Variants in MGAT4C observed in about 807,000 individuals in gnomAD.
MGAT4C encodes the protein alpha-1,3-mannosyl-glycoprotein 4-beta-N-acetylglucosaminyltransferase C.
Under a neutral mutation model 40.1 loss-of-function variants are expected in MGAT4C, and 19 were observed. The ratio of observed to expected loss-of-function variants is 0.47; its 90% CI spans 0.33 to 0.70. The LOEUF (loss-of-function observed/expected upper bound fraction) is 0.70. Ranked by LOEUF, MGAT4C falls within the 30% of genes least tolerant of loss-of-function variation. The pLI, the probability that MGAT4C is intolerant of heterozygous loss-of-function variation, is 0.02. For missense variants in MGAT4C, 491 were observed against 563.2 expected, an observed-to-expected ratio of 0.87 and a Z score of 1.30; for synonymous variants, 181 against 187.1, an observed-to-expected ratio of 0.97 and a Z score of 0.27.
At chr12:86,778,061 C>A (rs1951774331) in intron 1 of MGAT4C, among the ~76,000 whole-genome samples, 1 of 152,092 alleles carries the variant, frequency 6.6e-6, no homozygotes, top group African/African-American at 2.4e-5. Flanking sequence ...TCATATCTCA[C>A]CTCCATAGCT....
chr12:86,555,334 A>G (rs1451106135), intron 2 of MGAT4C, among the ~76,000 whole-genome samples: 1 of 152,192 alleles, frequency 6.6e-6, no homozygotes. Flanking sequence ...TGTTTCAATC[A>G]ATTAGAATTA....
intron 2 of MGAT4C, among the ~76,000 whole-genome samples, chr12:86,672,525 C>A (rs749000047): frequency 9.2e-5 from 14 of 151,778 alleles, no homozygotes; most frequent in Non-Finnish European, 1.6e-4. Flanking sequence ...ATTGACAAAC[C>A]TTTACCCATT....
intron 1 of MGAT4C, among the ~76,000 whole-genome samples, chr12:86,806,936 C>G (rs1223862366): frequency 6.6e-6 from 1 of 151,814 alleles, no homozygotes; most frequent in Non-Finnish European, 1.5e-5. Flanking sequence ...AGCATACCAA[C>G]ATGGCACACG....
intron 2 of MGAT4C, among the ~76,000 whole-genome samples, chr12:86,613,575 G>A (rs1962353998): frequency 6.6e-6 from 1 of 152,032 alleles, no homozygotes; most frequent in Non-Finnish European, 1.5e-5. Context: ...CTGTCAAAAA[G>A]CATAATCTTG....
intron 1 of MGAT4C, among the ~76,000 whole-genome samples, chr12:86,224,141 T>C (rs1281177291): frequency 6.6e-6 from 1 of 152,182 alleles, no homozygotes; most frequent in African/African-American, 2.4e-5. Context: ...ATCCCACCTC[T>C]GCCACCAGGG....
chr12:86,337,202 G>T (rs1954807992), intron 3 of MGAT4C, among the ~76,000 whole-genome samples: 1 of 152,062 alleles, frequency 6.6e-6, no homozygotes, highest in Non-Finnish European at 1.5e-5. Flanking sequence ...TAGGTCCTGG[G>T]AGTTACAAAG....
chr12:86,603,490 A>G (rs1961881141), intron 2 of MGAT4C, among the ~76,000 whole-genome samples: 1 of 97,706 alleles, frequency 1.0e-5, no homozygotes, highest in Non-Finnish European at 1.8e-5. Flanking sequence ...TATAGACTAT[A>G]TAATATATAC....
chr12:86,354,353 T>C (rs1393918236), intron 3 of MGAT4C, among the ~76,000 whole-genome samples: 1 of 152,142 alleles, frequency 6.6e-6, no homozygotes, highest in Non-Finnish European at 1.5e-5. Context: ...TCTATCAATC[T>C]ATATATAGAA....
At chr12:86,672,533 A>G (rs921659243) in intron 2 of MGAT4C, among the ~76,000 whole-genome samples, 2 of 152,102 alleles carry the variant, frequency 1.3e-5, no homozygotes, top group Admixed American at 6.6e-5. Context: ...ACCTTTACCC[A>G]TTCAAAGAAA....
chr12:86,008,421 G>A (rs1888117800), intron 2 of MGAT4C, among the ~76,000 whole-genome samples: 1 of 151,706 alleles, frequency 6.6e-6, no homozygotes, highest in African/African-American at 2.4e-5. Flanking sequence ...ATTATAACAA[G>A]TGCTTTCTGT....
intron 2 of MGAT4C, among the ~76,000 whole-genome samples, chr12:86,513,626 G>T (rs764666665): frequency 5.9e-5 from 9 of 152,044 alleles, no homozygotes; most frequent in Non-Finnish European, 1.0e-4. Context: ...ATGTCTGTAT[G>T]GGAAAAAAAT....
chr12:86,798,149 T>C (rs527388367), intron 1 of MGAT4C, among the ~76,000 whole-genome samples: 30 of 152,046 alleles, frequency 2.0e-4, no homozygotes, highest in African/African-American at 6.0e-4. Context: ...ATCCTTTCCA[T>C]GACACGTGAA....
intron 2 of MGAT4C, among the ~76,000 whole-genome samples, chr12:86,587,791 T>C (rs540885161): frequency 6.6e-6 from 1 of 151,328 alleles, no homozygotes; most frequent in African/African-American, 2.4e-5. Flanking sequence ...TTTTTGTACA[T>C]TGATTTTGTA....
At position 85,977,263 on chromosome 12, in the gene MGAT4C, A is replaced by G. The variant is rs1365890261; in HGVS notation, c.*2026T>C. 1 of 151,434 alleles carries G rather than the reference A, an allele frequency of 6.6e-6. No homozygotes were observed. Among genetic ancestry groups the G allele is most frequent in the Non-Finnish European group, 1.5e-5 (1 of 67,506 alleles). The allele number at this position is 151,434 out of a possible 1,614,324, so 9.4% of individuals were successfully genotyped here. A position where few individuals can be genotyped will look rare whatever the true frequency, so the allele number is the denominator to read the frequency against. On this transcript the variant is annotated 3_prime_UTR_variant, in exon 5 of 5. Transcript: ENST00000611864. ...GAGTCTGCCTAGCTCTTGATATTAC[A>G]TGTCTTTGGCATACAATTGTGTACC...
intron 2 of MGAT4C, among the ~76,000 whole-genome samples, chr12:86,442,666 G>A (rs1042449655): frequency 8.6e-5 from 13 of 151,090 alleles, no homozygotes; most frequent in Non-Finnish European, 1.6e-4. Flanking sequence ...GGTATGCAGC[G>A]TTATTTCTGA....
intron 3 of MGAT4C, among the ~76,000 whole-genome samples, chr12:86,396,333 A>G (rs899866782): frequency 3.3e-5 from 5 of 152,114 alleles, no homozygotes; most frequent in African/African-American, 1.2e-4. Flanking sequence ...TGAGAACCTT[A>G]AAAAATATAT....
At chr12:86,295,478 G>GT (rs1953642596) in intron 4 of MGAT4C, among the ~76,000 whole-genome samples, 1 of 152,160 alleles carries the variant, frequency 6.6e-6, no homozygotes, top group African/African-American at 2.4e-5. Context: ...GATTTTCGCA[G>GT]TGAGTGTTAC....
intron 2 of MGAT4C, among the ~76,000 whole-genome samples, chr12:86,686,717 T>A (rs765504001): frequency 2.6e-5 from 4 of 152,220 alleles, no homozygotes; most frequent in Non-Finnish European, 5.9e-5. Flanking sequence ...CTTTGTGATG[T>A]GCTGCTGGAT....
chr12:85,980,353 C>A lies in MGAT4C; in HGVS notation c.373G>T (p.Glu125Ter), dbSNP rs1266077830. 1 of 1,613,148 alleles carries A rather than the reference C, an allele frequency of 6.2e-7. No homozygotes were observed. Among genetic ancestry groups the A allele is most frequent in the Non-Finnish European group, 8.5e-7 (1 of 1,179,654 alleles). The change falls in exon 5 of 5, where the codon GAG (glutamate) becomes TAG (stop). Residue 125 changes from glutamate to a stop codon, truncating the protein, a stop_gained. Coordinates refer to ENST00000611864, the MANE Select transcript of MGAT4C (RefSeq NM_001351288.2). LOFTEE classifies it high-confidence loss of function. ...TTCAGCTCTTCATAGCTGGATTGCT[C>A]AAAAATTGACTTAATTGTCTCAAGT... ...YLLETIKSIF[E>*]QSSYEELKEI... is the part of the protein sequence containing the mutation.
Sources: gnomAD v4.1 joint callset for allele counts (sites outside exome capture counted in the v4.1 genomes callset) on GRCh38, gnomAD v4.1.1 for gene constraint, MANE v1.5 for transcripts, NCBI Gene and HGNC (gene_info 2026-07-23, HGNC 2026-07-21) for gene names.